Variants in IPO9 observed in about 807,000 individuals in gnomAD.
IPO9 encodes the protein importin-9.
In IPO9, 28 loss-of-function variants were observed where a neutral mutation model predicts 128.6. The ratio of observed to expected loss-of-function variants is 0.22; its 90% CI spans 0.16 to 0.30. The LOEUF (loss-of-function observed/expected upper bound fraction) is 0.30. Ranked by LOEUF, IPO9 falls within the 10% of genes least tolerant of loss-of-function variation. The probability of loss-of-function intolerance (pLI) is 1.00; values close to 1 mark genes in which losing one functional copy is unlikely to be tolerated. For synonymous variants in IPO9, 455 were observed against 475.8 expected (o/e 0.96, Z 0.57); for missense variants, 935 against 1,293.9 (o/e 0.72, Z 4.26).
intron 1 of IPO9, among the ~76,000 whole-genome samples, chr1:201,845,611 A>AAAAAG (rs1394940264): frequency 3.3e-5 from 5 of 152,210 alleles, no homozygotes; most frequent in Admixed American, 6.5e-5. Context: ...TTAAAAAGGC[A>AAAAAG]AAAAGAAACA....
At chr1:201,829,720 CAA>C in intron 1 of IPO9, among the ~76,000 whole-genome samples, 1 of 152,166 alleles carries the variant, frequency 6.6e-6, no homozygotes, top group East Asian at 1.9e-4. Context: ...AGTCCAGGAC[CAA>C]AGTCTTTCGC....
chr1:201,852,965 A>G, intron 5 of IPO9, 46 bp from the exon 6 acceptor site: 2 of 1,453,316 alleles, frequency 1.4e-6, no homozygotes, highest in Admixed American at 3.3e-5. Flanking sequence ...ATACCTACAC[A>G]CTCCAGTCTC....
At chr1:201,847,422 C>A in intron 2 of IPO9, 82 bp downstream of exon 2, 1 of 1,401,852 alleles carries the variant, frequency 7.1e-7, no homozygotes, top group Non-Finnish European at 1.0e-6. Flanking sequence ...AAAATAAGGC[C>A]AGTGTATAAA....
rs1417034564 is a variant in IPO9, at chr1:201,879,538, G to A, written c.*3484G>A. The A allele has an allele frequency of 1.3e-5, 2 of 152,180 alleles. No homozygotes were observed. The highest frequency in any genetic ancestry group is 4.8e-5 in the African/African-American group (2 of 41,430). The allele number at this position is 152,180 out of a possible 1,614,324, so 9.4% of individuals were successfully genotyped here. On this transcript the variant is annotated 3_prime_UTR_variant, in exon 24 of 24. Transcript: ENST00000361565. ...GAGATAGTACTAGTAAATTAGGAGT[G>A]CTGATCAAATTTTTAGATAATAAGA...
Position 201,830,320 on chromosome 1 carries a change from A to C in IPO9, c.163+948A>C, listed in dbSNP as rs192845275. ...AAATACTTCATCAGAGATATGGGAA[A>C]TTGTCCCATCACACACCCATCATAT... is the stretch of plus-strand genomic sequence containing the variant. On this transcript the variant is annotated intron_variant, in intron 1 of 23. Transcript: ENST00000361565. Among the ~76,000 whole-genome samples, 52 of 152,338 alleles carry C rather than the reference A, an allele frequency of 3.4e-4. No homozygotes were observed. The East Asian group carries it at 8.9e-3, about 26-fold the overall frequency.
rs371638253 is a variant in IPO9 at position 201,875,985 on chromosome 1, C to T, written c.3057C>T (p.Pro1019=). The T allele has an allele frequency of 1.1e-5, 17 of 1,613,934 alleles. No individual in the cohort carries two copies. The highest frequency in any genetic ancestry group is 1.3e-5 in the Non-Finnish European group (15 of 1,179,870). Residue 1019 remains proline, a synonymous_variant, in exon 24 of 24, where the codon CCC becomes CCT. Coordinates refer to ENST00000361565, the MANE Select transcript of IPO9 (RefSeq NM_018085.5). ...TCCTCTGCCAGTTTGCTCAGCAGCC[C>T]TGCTACATAATGTTTTCAGGCCACC... is the stretch of plus-strand genomic sequence containing the variant. The part of the protein sequence containing the change: ...TDFLCQFAQQ[P]CYIMFSGHLN...
chr1:201,861,805 G>C (rs1186153438), intron 13 of IPO9, among the ~76,000 whole-genome samples: 1 of 152,206 alleles, frequency 6.6e-6, no homozygotes, highest in Non-Finnish European at 1.5e-5. Context: ...TTAGTGGCTA[G>C]ACTATCAAAC....
rs371428335 is a variant in IPO9, at chr1:201,859,180, A to AATAAATAAATATATATATAT, written c.1468+189_1468+190insAATAAATATATATATATATA. Among the ~76,000 whole-genome samples, 60 of 83,444 alleles carry AATAAATAAATATATATATAT rather than the reference A, an allele frequency of 7.2e-4. 1 individual carries two copies. Among genetic ancestry groups the AATAAATAAATATATATATAT allele is most frequent in the African/African-American group, 2.3e-3 (57 of 25,000 alleles). 54.7% of individuals were successfully genotyped at this position (83,444 alleles called of 152,430 possible). On this transcript the variant is annotated intron_variant, in intron 13 of 23. Transcript: ENST00000361565. Reference sequence around the variant, plus strand: ...ACATGTACCCTAGAACTCAAAGTATAATATATATATATATATATATATATA... The same window carrying AATAAATAAATATATATATAT: ...ACATGTACCCTAGAACTCAAAGTATAATAAATAAATATATATATATATATATATATATATATATATATATA...
chr1:201,832,046 C>T (rs538513917), intron 1 of IPO9, among the ~76,000 whole-genome samples: 1 of 151,730 alleles, frequency 6.6e-6, no homozygotes. Context: ...GGATTACAGG[C>T]ACCTGCCACC....
intron 19 of IPO9, among the ~76,000 whole-genome samples, chr1:201,871,912 G>A (rs1265072064): frequency 2.0e-5 from 3 of 152,144 alleles, no homozygotes; most frequent in Non-Finnish European, 2.9e-5. Context: ...ACACAGCTAA[G>A]TGCTGCTAGT....
chr1:201,858,837 T>G lies in IPO9; in HGVS notation c.1329-18T>G, dbSNP rs1680382125. On this transcript the variant is annotated intron_variant, in intron 12 of 23. Transcript: ENST00000361565. ...GGCAGTTTAGTATGTTTTACTAGGC[T>G]GTAGTATCCTTTCACAGGTGGAAGA... 1 of 1,586,478 alleles carries G rather than the reference T, an allele frequency of 6.3e-7. No individual in the cohort carries two copies.
At chr1:201,838,678 C>T (rs985329071) in intron 1 of IPO9, among the ~76,000 whole-genome samples, 3 of 151,988 alleles carry the variant, frequency 2.0e-5, no homozygotes, top group African/African-American at 7.2e-5. Flanking sequence ...ATCCACTTTC[C>T]TGAGTGAAAC....
At position 201,849,908 on chromosome 1, in the gene IPO9, C is replaced by G. The variant is rs542185286; in HGVS notation, c.514+1314C>G. 3.3e-5 allele frequency among the ~76,000 whole-genome samples: 5 copies of G among 152,250 alleles called. No homozygotes were observed. In the South Asian group the frequency reaches 1.0e-3, roughly 32 times the overall value. On this transcript the variant is annotated intron_variant, in intron 4 of 23. Coordinates refer to ENST00000361565, the MANE Select transcript of IPO9 (RefSeq NM_018085.5). ...TCATTATTCAGGTGATTTCACACAC[C>G]CCTCTGCATGGAATTGGCCTTTTAG...
chr1:201,857,197 A>T lies in IPO9; in HGVS notation c.1221+3A>T. ...TAGCAGCTCAAGACTTGTTGCTGGT[A>T]AGTTTACCTTGATACTTCAGCCACA... On this transcript the variant is annotated splice_donor_region_variant and intron_variant, in intron 11 of 23. Coordinates refer to ENST00000361565, the MANE Select transcript of IPO9 (RefSeq NM_018085.5). 1 of 1,568,538 alleles carries T rather than the reference A, an allele frequency of 6.4e-7. No individual in the cohort carries two copies. Among genetic ancestry groups the T allele is most frequent in the Non-Finnish European group, 8.8e-7 (1 of 1,138,750 alleles).
At position 201,852,097 on chromosome 1, in the gene IPO9, T is replaced by C. The variant is rs1437272315; in HGVS notation, c.515-7T>C. On this transcript the variant is annotated splice_region_variant and splice_polypyrimidine_tract_variant and intron_variant, in intron 4 of 23. Coordinates refer to ENST00000361565, the MANE Select transcript of IPO9 (RefSeq NM_018085.5). ...TTTTTTTAACAGTACTACTTTTTTC[T>C]TTGTAGAATTCACTCGTGAAGTAAC... 3.1e-6 allele frequency: 5 copies of C among 1,589,946 alleles called. No homozygotes were observed. The East Asian group carries it at 8.9e-5, about 28-fold the overall frequency.
intron 5 of IPO9, 91 bp from the exon 6 acceptor site, chr1:201,852,920 T>G: frequency 1.0e-6 from 1 of 961,304 alleles, no homozygotes; most frequent in Non-Finnish European, 1.7e-6. Context: ...GAGGATTCAT[T>G]AGTCATAGTT....
intron 1 of IPO9, among the ~76,000 whole-genome samples, chr1:201,837,559 G>A (rs1400258232): frequency 2.6e-5 from 4 of 152,126 alleles, no homozygotes; most frequent in Non-Finnish European, 5.9e-5. Context: ...AAGGACAGTT[G>A]TTCAGATTTG....
At chr1:201,851,370 G>A (rs1046273592) in intron 4 of IPO9, among the ~76,000 whole-genome samples, 5 of 151,784 alleles carry the variant, frequency 3.3e-5, no homozygotes, top group African/African-American at 7.3e-5. Context: ...AAAGTGGATA[G>A]TTACTGGAAC....
In IPO9 at chr1:201,858,449, T is replaced by C; in HGVS notation, c.1224T>C (p.Ala408=). 1 of 1,549,362 alleles carries C rather than the reference T, an allele frequency of 6.5e-7. No individual in the cohort carries two copies. Among genetic ancestry groups the C allele is most frequent in the African/African-American group, 1.4e-5 (1 of 72,012 alleles). The change falls in exon 12 of 24, where the codon GCT becomes GCC. Residue 408 remains alanine, a splice_region_variant and synonymous_variant. Coordinates refer to ENST00000361565, the MANE Select transcript of IPO9 (RefSeq NM_018085.5). The stretch of plus-strand genomic sequence containing the variant: ...TATTAGCTCTTCTCTCTCTATAGGC[T>C]GTGGCCACAGATTTCCAGAATGAAA... ...VRIAAQDLLL[A]VATDFQNESA...
Sources: allele counts gnomAD v4.1 joint callset (sites outside exome capture counted in the v4.1 genomes callset), GRCh38; gene constraint gnomAD v4.1.1; transcripts MANE v1.5; gene names NCBI Gene and HGNC (gene_info 2026-07-23, HGNC 2026-07-21).